The following ADGRV1 variants were observed in gnomAD, a reference collection of about 807,000 sequenced individuals.
The protein encoded by ADGRV1 is adhesion G protein-coupled receptor V1.
Under a neutral mutation model 596.2 loss-of-function variants are expected in ADGRV1, and 359 were observed. The observed-to-expected ratio is 0.60, with a 90% CI of 0.55 to 0.66. ADGRV1 has a LOEUF of 0.66. Ranked by LOEUF, ADGRV1 falls within the 30% of genes least tolerant of loss-of-function variation. The pLI, the probability that ADGRV1 is intolerant of heterozygous loss-of-function variation, is 0.00. For missense variants in ADGRV1, 7,274 were observed against 7,575.6 expected (o/e 0.96, Z 1.48); for synonymous variants, 2,681 against 2,679.2 (o/e 1.00, Z -0.02).
chr5:91,121,122 C>T (rs1793282038), intron 87 of ADGRV1, among the ~76,000 whole-genome samples: 1 of 152,052 alleles, frequency 6.6e-6, no homozygotes, highest in South Asian at 2.1e-4. Context: ...TGCAGTGAGC[C>T]AAGATCATGC....
Position 91,027,840 on chromosome 5 carries a change from T to C in ADGRV1, c.18152+42318T>C, listed in dbSNP as rs1021238445. Among the ~76,000 whole-genome samples, 45 of 152,230 alleles carry C rather than the reference T, an allele frequency of 3.0e-4. 1 individual carries two copies. The highest frequency in any genetic ancestry group is 1.0e-3 in the African/African-American group (43 of 41,562). On this transcript the variant is annotated intron_variant, in intron 85 of 89. Coordinates refer to ENST00000405460, the MANE Select transcript of ADGRV1 (RefSeq NM_032119.4). Reference sequence around the variant, plus strand: ...TTAAGTCTAATTTATTGACAATAATTGTTGGTAGTATAAATACTGAATCTG... The same window carrying C: ...TTAAGTCTAATTTATTGACAATAATCGTTGGTAGTATAAATACTGAATCTG...
chr5:91,008,370 G>T (rs1163563049), intron 85 of ADGRV1, among the ~76,000 whole-genome samples: 12 of 152,030 alleles, frequency 7.9e-5, no homozygotes, highest in Non-Finnish European at 4.4e-5. Context: ...CTATTCTGGG[G>T]CATTTCTACC....
intron 50 of ADGRV1, among the ~76,000 whole-genome samples, chr5:90,743,968 T>C (rs1754306055): frequency 7.0e-6 from 1 of 142,636 alleles, no homozygotes; most frequent in Non-Finnish European, 1.5e-5. Flanking sequence ...TACTTCTTTT[T>C]TAGAAGCAAC....
chr5:90,694,409 AG>A lies in ADGRV1; in HGVS notation c.7654del (p.Ala2552ProfsTer3). The A allele has an allele frequency of 6.2e-7, 1 of 1,614,022 alleles. No homozygotes were observed. The highest frequency in any genetic ancestry group is 8.5e-7 in the Non-Finnish European group (1 of 1,179,882). On this transcript the variant is annotated frameshift_variant, in exon 33 of 90. Transcript: ENST00000405460. LOFTEE classifies it high-confidence loss of function. ...TTGAAGTTCACCTCATGAACATTTC[AG>A]CCAGTTTGAAAAATCAGCCAACCAT... ...LLEVHLMNIS[A>X]SLKNQPTIGQ...
intron 77 of ADGRV1, among the ~76,000 whole-genome samples, chr5:90,831,679 G>A (rs950966858): frequency 1.9e-4 from 29 of 151,284 alleles, no homozygotes; most frequent in African/African-American, 5.6e-4. Context: ...ACTATTTTTT[G>A]TACTCATTAA....
At chr5:91,113,414 C>T (rs1311469764) in intron 87 of ADGRV1, among the ~76,000 whole-genome samples, 1 of 152,072 alleles carries the variant, frequency 6.6e-6, no homozygotes, top group Admixed American at 6.6e-5. Context: ...CAAATTTTTC[C>T]CTCTTAAGAG....
chr5:90,882,751 A>C (rs1358392611), intron 83 of ADGRV1, among the ~76,000 whole-genome samples: 1 of 152,230 alleles, frequency 6.6e-6, no homozygotes, highest in Non-Finnish European at 1.5e-5. Context: ...GGAAGATGAG[A>C]AACAACATCC....
chr5:91,011,126 G>A (rs1040948305), intron 85 of ADGRV1, among the ~76,000 whole-genome samples: 7 of 151,842 alleles, frequency 4.6e-5, no homozygotes, highest in Non-Finnish European at 7.4e-5. Context: ...CTTTAGATTT[G>A]TATGATTGTC....
intron 45 of ADGRV1, among the ~76,000 whole-genome samples, chr5:90,721,750 A>AT (rs1223417650): frequency 6.6e-6 from 1 of 152,076 alleles, no homozygotes; most frequent in Non-Finnish European, 1.5e-5. Context: ...TGTTGAAAGA[A>AT]TATAGGGGAA....
rs1768788369 is a variant in ADGRV1 at position 90,652,540 on chromosome 5, T to C, written c.3611T>C (p.Phe1204Ser). The change falls in exon 19 of 90, where the codon TTC (phenylalanine) becomes TCC (serine). Residue 1204 changes from phenylalanine to serine, a missense_variant. Physicochemically the swap from Phe to Ser is radical, Grantham distance 155. Around this residue, in one of 5 missense-constraint regions of ADGRV1, gnomAD observed 1,715 missense variants for 1,708.8 expected, o/e 1.00. Coordinates refer to ENST00000405460, the MANE Select transcript of ADGRV1 (RefSeq NM_032119.4). ...DKIPEFNEFY[F>S]LKLVNISGGS... ...ATTCCTGAATTCAATGAATTTTATTTCCTAAAACTTGTAAACATTTCAGGT... is the reference window on the plus strand; with the variant it reads ...ATTCCTGAATTCAATGAATTTTATTCCCTAAAACTTGTAAACATTTCAGGT... The C allele has an allele frequency of 1.2e-6, 2 of 1,608,848 alleles. No homozygotes were observed. Among genetic ancestry groups the C allele is most frequent in the Non-Finnish European group, 1.7e-6 (2 of 1,176,194 alleles).
At chr5:90,775,663 G>A (rs774656250) in intron 60 of ADGRV1, among the ~76,000 whole-genome samples, 3 of 151,846 alleles carry the variant, frequency 2.0e-5, no homozygotes, top group Non-Finnish European at 4.4e-5. Flanking sequence ...ATGTTTGCAG[G>A]GATGGAGTCT....
chr5:90,759,824 G>A, intron 58 of ADGRV1: 1 of 445,372 alleles, frequency 2.2e-6, no homozygotes, highest in South Asian at 2.1e-5. Context: ...AATTAGCTGG[G>A]CGTGGTGGCA....
chr5:90,851,134 T>TGTGTGTGTGTGTGTGTGTGAGA (rs757909771), intron 79 of ADGRV1, among the ~76,000 whole-genome samples: 3 of 81,448 alleles, frequency 3.7e-5, no homozygotes, highest in South Asian at 5.4e-4. Context: ...TGTGTGTGTG[T>TGTGTGTGTGTGTGTGTGTGAGA]GAGAGAGAGA....
At chr5:90,996,818 C>A (rs539423781) in intron 85 of ADGRV1, among the ~76,000 whole-genome samples, 9 of 152,290 alleles carry the variant, frequency 5.9e-5, no homozygotes, top group Admixed American at 5.9e-4. Context: ...TCAGTGTGGC[C>A]TGGATGTGAG....
chr5:90,698,888 AATC>A (rs1747545564), intron 34 of ADGRV1, among the ~76,000 whole-genome samples: 1 of 152,130 alleles, frequency 6.6e-6, no homozygotes, highest in Non-Finnish European at 1.5e-5. Context: ...ATCAGTGAGT[AATC>A]AGTAATCAGT....
At chr5:91,100,530 G>C (rs561078711) in intron 86 of ADGRV1, among the ~76,000 whole-genome samples, 1 of 150,162 alleles carries the variant, frequency 6.7e-6, no homozygotes. Context: ...GGAAGGAAGG[G>C]GAAAAGAAAG....
At chr5:90,955,802 G>A (rs2150926456) in intron 83 of ADGRV1, among the ~76,000 whole-genome samples, 1 of 152,220 alleles carries the variant, frequency 6.6e-6, no homozygotes, top group South Asian at 2.1e-4. Context: ...TATGTAGCAG[G>A]GAAATGATAA....
chr5:90,621,552 G>A (rs891492230), intron 4 of ADGRV1, among the ~76,000 whole-genome samples: 1 of 152,098 alleles, frequency 6.6e-6, no homozygotes, highest in Non-Finnish European at 1.5e-5. Context: ...TGGCTTTCCT[G>A]CTACACTTAC....
chr5:91,118,178 A>G (rs570567618), intron 87 of ADGRV1, among the ~76,000 whole-genome samples: 2 of 152,246 alleles, frequency 1.3e-5, no homozygotes, highest in South Asian at 2.1e-4. Context: ...GGTTCTTCAT[A>G]TAGAAGTCAT....
Sources: gnomAD v4.1 joint callset for allele counts (sites outside exome capture counted in the v4.1 genomes callset) on GRCh38, gnomAD v4.1.1 for gene constraint, gnomAD v4.1.1 regional missense constraint, MANE v1.5 for transcripts, NCBI Gene and HGNC (gene_info 2026-07-23, HGNC 2026-07-21) for gene names.